The following LRRC4C variants were observed in gnomAD, a reference collection of about 807,000 sequenced individuals.
LRRC4C encodes leucine-rich repeat-containing protein 4C.
Under a neutral mutation model 33.6 loss-of-function variants are expected in LRRC4C, and 5 were observed. The ratio of observed to expected loss-of-function variants is 0.15; its 90% CI spans 0.08 to 0.31. The LOEUF (loss-of-function observed/expected upper bound fraction) is 0.31, where lower values mean the gene tolerates loss of function less well. LRRC4C is among the 10% of genes least tolerant of loss of function. LRRC4C has a pLI of 1.00. For missense variants in LRRC4C, 560 were observed against 796.7 expected, an observed-to-expected ratio of 0.70 and a Z score of 3.58; for synonymous variants, 329 against 302.0, an observed-to-expected ratio of 1.09 and a Z score of -0.93.
At chr11:40,898,986 G>C (rs543616939) in intron 2 of LRRC4C, among the ~76,000 whole-genome samples, 9 of 151,820 alleles carry the variant, frequency 5.9e-5, no homozygotes, top group African/African-American at 1.7e-4. Flanking sequence ...TTTGGAAGAA[G>C]TTATTGAATT....
At chr11:40,955,411 A>T (rs1958910702) in intron 1 of LRRC4C, among the ~76,000 whole-genome samples, 1 of 151,810 alleles carries the variant, frequency 6.6e-6, no homozygotes, top group Admixed American at 6.6e-5. Context: ...CCTGTGACTT[A>T]TTTGTTTTCT....
chr11:41,241,665 G>T (rs907646755), intron 1 of LRRC4C, among the ~76,000 whole-genome samples: 1 of 152,094 alleles, frequency 6.6e-6, no homozygotes, highest in African/African-American at 2.4e-5. Flanking sequence ...ACCATGGTTG[G>T]TTAGACCTAT....
intron 3 of LRRC4C, among the ~76,000 whole-genome samples, chr11:40,613,411 C>T (rs927746939): frequency 6.6e-6 from 1 of 151,836 alleles, no homozygotes; most frequent in Non-Finnish European, 1.5e-5. Context: ...AAATGTAACT[C>T]CTTATTCATT....
At chr11:41,117,479 G>A (rs1381920712) in intron 1 of LRRC4C, among the ~76,000 whole-genome samples, 3 of 152,066 alleles carry the variant, frequency 2.0e-5, no homozygotes, top group South Asian at 4.1e-4. Context: ...AACTATGATA[G>A]CAACTATGCA....
intron 1 of LRRC4C, among the ~76,000 whole-genome samples, chr11:41,099,531 G>A (rs1941033294): frequency 6.6e-6 from 1 of 152,098 alleles, no homozygotes. Context: ...TGAAAGGTTG[G>A]TTCAACATAC....
intron 1 of LRRC4C, among the ~76,000 whole-genome samples, chr11:41,120,762 A>G (rs1942383118): frequency 6.6e-6 from 1 of 152,080 alleles, no homozygotes; most frequent in Non-Finnish European, 1.5e-5. Context: ...TTGAATTGTA[A>G]TTACCAATGT....
intron 3 of LRRC4C, among the ~76,000 whole-genome samples, chr11:40,399,840 G>T (rs982876549): frequency 6.6e-6 from 1 of 152,034 alleles, no homozygotes; most frequent in Non-Finnish European, 1.5e-5. Context: ...AATACCTGGG[G>T]AAACGGGGCA....
At chr11:40,575,845 C>A (rs2135593208) in intron 3 of LRRC4C, among the ~76,000 whole-genome samples, 1 of 152,210 alleles carries the variant, frequency 6.6e-6, no homozygotes, top group Non-Finnish European at 1.5e-5. Context: ...CATGGAAAAA[C>A]TCCTTCACAC....
At chr11:40,476,265 T>G (rs1018052301) in intron 3 of LRRC4C, among the ~76,000 whole-genome samples, 4 of 152,034 alleles carry the variant, frequency 2.6e-5, no homozygotes, top group African/African-American at 7.2e-5. Context: ...TTTGAGGTTC[T>G]GCTACTTTTA....
chr11:40,465,445 C>A (rs1952604353), intron 3 of LRRC4C, among the ~76,000 whole-genome samples: 1 of 151,370 alleles, frequency 6.6e-6, no homozygotes, highest in East Asian at 1.9e-4. Context: ...GCAACAAAAC[C>A]AAAAACATTT....
intron 4 of LRRC4C, among the ~76,000 whole-genome samples, chr11:40,283,706 T>C (rs1943639036): frequency 7.3e-6 from 1 of 136,778 alleles, no homozygotes; most frequent in Admixed American, 7.6e-5. Flanking sequence ...TTTTTTTTTT[T>C]TTTTTTTTTT....
At chr11:40,866,216 T>C (rs560520306) in intron 2 of LRRC4C, among the ~76,000 whole-genome samples, 246 of 151,762 alleles carry the variant, frequency 1.6e-3, no homozygotes, top group African/African-American at 5.7e-3. Flanking sequence ...TATCTTTATT[T>C]CCCTCTATTT....
At chr11:41,159,149 G>C (rs1944356962) in intron 1 of LRRC4C, among the ~76,000 whole-genome samples, 3 of 151,976 alleles carry the variant, frequency 2.0e-5, no homozygotes, top group Non-Finnish European at 1.5e-5. Context: ...AACTAGCCAG[G>C]CATGGTAGCA....
At chr11:40,322,972 G>A (rs751908666) in intron 3 of LRRC4C, among the ~76,000 whole-genome samples, 29 of 152,088 alleles carry the variant, frequency 1.9e-4, no homozygotes, top group Non-Finnish European at 4.0e-4. Context: ...AAGTACTAAC[G>A]AAAGAGACTA....
chr11:41,257,917 C>A (rs751533939), intron 1 of LRRC4C, among the ~76,000 whole-genome samples: 2 of 151,910 alleles, frequency 1.3e-5, no homozygotes, highest in Non-Finnish European at 1.5e-5. Flanking sequence ...AATATGAGTT[C>A]TTTTTCTTTT....
intron 1 of LRRC4C, among the ~76,000 whole-genome samples, chr11:40,991,349 A>G (rs1440134159): frequency 6.6e-6 from 1 of 152,116 alleles, no homozygotes; most frequent in Non-Finnish European, 1.5e-5. Flanking sequence ...ATATGATGTT[A>G]TAAAATCAGG....
At chr11:40,664,472 T>C (rs1943609974) in intron 2 of LRRC4C, among the ~76,000 whole-genome samples, 1 of 151,620 alleles carries the variant, frequency 6.6e-6, no homozygotes, top group Non-Finnish European at 1.5e-5. Context: ...TTGAACCCGA[T>C]GGGTGGAGGT....
rs1855950788 is a variant in LRRC4C at position 41,021,202 on chromosome 11, AGAGAGAGAGAGAGTGT to A, written c.-495-87495_-495-87480del. On this transcript the variant is annotated intron_variant, in intron 1 of 6. Transcript: ENST00000528697. The stretch of plus-strand genomic sequence containing the variant: ...GAGAGAGAGAGAGAGAGAGAGAGAG[AGAGAGAGAGAGAGTGT>A]GTGTGTGTGTGTGTTTAAGAAAATT... Among the ~76,000 whole-genome samples the A allele has an allele frequency of 3.2e-4, 15 of 47,614 alleles. No individual in the cohort carries two copies. The South Asian group carries it at 6.7e-3, about 21-fold the overall frequency. The allele number at this position is 47,614 out of a possible 152,430, so 31.2% of individuals were successfully genotyped here. A position where few individuals can be genotyped will look rare whatever the true frequency, so the allele number is the denominator to read the frequency against.
intron 4 of LRRC4C, among the ~76,000 whole-genome samples, chr11:40,277,836 C>G (rs934105488): frequency 6.6e-6 from 1 of 152,060 alleles, no homozygotes; most frequent in African/African-American, 2.4e-5. Context: ...TAAATGTTAC[C>G]TATCGCTGAT....
Sources: gnomAD v4.1 joint callset for allele counts (sites outside exome capture counted in the v4.1 genomes callset) on GRCh38, gnomAD v4.1.1 for gene constraint, MANE v1.5 for transcripts, NCBI Gene and HGNC (gene_info 2026-07-23, HGNC 2026-07-21) for gene names.